Variants in ANO5 observed in about 807,000 individuals in gnomAD.
ANO5 encodes anoctamin 5.
Under a neutral mutation model 121.0 loss-of-function variants are expected in ANO5, and 109 were observed. That is an observed-to-expected ratio of 0.90 (90% CI 0.77 to 1.06). ANO5 has a LOEUF of 1.06. Ranked by LOEUF, ANO5 falls within the 50% of genes least tolerant of loss-of-function variation. The pLI, the probability that ANO5 is intolerant of heterozygous loss-of-function variation, is 0.00. For synonymous variants in ANO5, 406 were observed against 359.9 expected (o/e 1.13, Z -1.45); for missense variants, 1,064 against 1,078.5 (o/e 0.99, Z 0.19).
At chr11:22,225,239 G>A (rs1852785068) in intron 5 of ANO5, among the ~76,000 whole-genome samples, 1 of 152,092 alleles carries the variant, frequency 6.6e-6, no homozygotes, top group South Asian at 2.1e-4. Context: ...GGGAGGATGA[G>A]TTGAGGCCAG....
At position 22,239,634 on chromosome 11, in the gene ANO5, T is replaced by C. The variant is rs761221167; in HGVS notation, c.828T>C (p.Asn276=). The change falls in exon 9 of 22, where the codon AAT becomes AAC. Residue 276 remains asparagine (N), a synonymous_variant. Coordinates refer to ENST00000324559, the MANE Select transcript of ANO5 (RefSeq NM_213599.3). ...ATGAAAGATACACACTTCACCAGAATTGGGCTCGATTTTCCTATTTCTACA... is the reference window on the plus strand; with the variant it reads ...ATGAAAGATACACACTTCACCAGAACTGGGCTCGATTTTCCTATTTCTACA... The part of the protein sequence containing the change: ...PTNERYTLHQ[N]WARFSYFYKE... The C allele has an allele frequency of 3.1e-6, 5 of 1,612,868 alleles. No homozygotes were observed. Among genetic ancestry groups the C allele is most frequent in the African/African-American group, 2.7e-5 (2 of 74,870 alleles).
intron 2 of ANO5, among the ~76,000 whole-genome samples, chr11:22,208,387 G>C (rs991219479): frequency 6.6e-6 from 1 of 151,950 alleles, no homozygotes; most frequent in Non-Finnish European, 1.5e-5. Flanking sequence ...AACTTGGATA[G>C]ATCTCCAGGA....
chr11:22,241,620 T>A (rs1259327875), intron 9 of ANO5, among the ~76,000 whole-genome samples: 1 of 152,152 alleles, frequency 6.6e-6, no homozygotes, highest in African/African-American at 2.4e-5. Context: ...GATTGCGGTT[T>A]TGATTTGCAT....
In ANO5 at chr11:22,201,249, C is replaced by T. The variant is rs927531952; in HGVS notation, c.41-2555C>T. ...AATTTTTCAATAAATGTTTATCAGCCGTCTTTCATTTGCCAATCAGTGTGC... is the reference window on the plus strand; with the variant it reads ...AATTTTTCAATAAATGTTTATCAGCTGTCTTTCATTTGCCAATCAGTGTGC... On this transcript the variant is annotated intron_variant, in intron 1 of 21. Coordinates refer to ENST00000324559, the MANE Select transcript of ANO5 (RefSeq NM_213599.3). Among the ~76,000 whole-genome samples the T allele has an allele frequency of 1.2e-4, 18 of 152,226 alleles. No individual in the cohort carries two copies. The South Asian group carries it at 2.1e-3, about 18-fold the overall frequency.
intron 10 of ANO5, 131 bp downstream of exon 10, chr11:22,250,502 A>G (rs1853775452): frequency 7.7e-7 from 1 of 1,295,528 alleles, no homozygotes; most frequent in Non-Finnish European, 1.1e-6. Flanking sequence ...TATTTTCCAA[A>G]AACTACTCAA....
In ANO5 at chr11:22,281,400, A is replaced by G. The variant is rs1050709280; in HGVS notation, c.*1635A>G. The G allele has an allele frequency of 3.3e-5, 5 of 152,086 alleles. No homozygotes were observed. Among genetic ancestry groups the G allele is most frequent in the Non-Finnish European group, 7.4e-5 (5 of 67,918 alleles). The allele number at this position is 152,086 out of a possible 1,614,324, so 9.4% of individuals were successfully genotyped here. A position where few individuals can be genotyped will look rare whatever the true frequency, so the allele number is the denominator to read the frequency against. Reference sequence around the variant, plus strand: ...GACAGTCACCCCAGTTTGGACTGGGACTAATCCCCAGTACTGATTTGTCAT... The same window carrying G: ...GACAGTCACCCCAGTTTGGACTGGGGCTAATCCCCAGTACTGATTTGTCAT... On this transcript the variant is annotated 3_prime_UTR_variant, in exon 22 of 22. Coordinates refer to ENST00000324559, the MANE Select transcript of ANO5 (RefSeq NM_213599.3).
intron 3 of ANO5, among the ~76,000 whole-genome samples, chr11:22,214,152 T>G (rs1264606360): frequency 6.6e-6 from 1 of 151,950 alleles, no homozygotes; most frequent in African/African-American, 2.4e-5. Context: ...CAGTCCTCCC[T>G]TCTCAGCTTC....
chr11:22,230,899 A>G (rs1372183751), intron 7 of ANO5, among the ~76,000 whole-genome samples: 3 of 151,938 alleles, frequency 2.0e-5, no homozygotes, highest in South Asian at 2.1e-4. Context: ...CACCTTCACT[A>G]TTACCAAATT....
At position 22,218,284 on chromosome 11, in the gene ANO5, TATG is replaced by T; in HGVS notation, c.178_180del (p.Met60del). 6.2e-7 allele frequency: 1 copy of T among 1,613,388 alleles called. No homozygotes were observed. Among genetic ancestry groups the T allele is most frequent in the Non-Finnish European group, 8.5e-7 (1 of 1,179,640 alleles). On this transcript the variant is annotated inframe_deletion and splice_region_variant, in exon 4 of 22. Transcript: ENST00000324559. ...TCAATTTGTTCCTGAGGCGGCGGCT[TATG>T]GTAAAACCAGTGCTGAATGATGCTG... is the stretch of plus-strand genomic sequence containing the variant.
At chr11:22,196,637 G>A (rs912200981) in intron 1 of ANO5, among the ~76,000 whole-genome samples, 2 of 152,064 alleles carry the variant, frequency 1.3e-5, no homozygotes, top group African/African-American at 2.4e-5. Context: ...CTGGGAGGCC[G>A]AGGCAGGTGG....
At chr11:22,251,811 G>A (rs1853824996) in intron 12 of ANO5, among the ~76,000 whole-genome samples, 4 of 151,660 alleles carry the variant, frequency 2.6e-5, no homozygotes, top group Admixed American at 2.6e-4. Flanking sequence ...CAGATCACGA[G>A]GTCAGGAGAT....
Position 22,199,695 on chromosome 11 carries a change from C to A in ANO5, c.41-4109C>A, listed in dbSNP as rs112508144. On this transcript the variant is annotated intron_variant, in intron 1 of 21. Coordinates refer to ENST00000324559, the MANE Select transcript of ANO5 (RefSeq NM_213599.3). ...AAAAAAAATCTCTTTGATCTCTGGC[C>A]TGATAAAATATAGGTATTCTCGTAT... Among the ~76,000 whole-genome samples the A allele has an allele frequency of 7.1e-4, 108 of 152,026 alleles. 1 individual carries two copies. Among genetic ancestry groups the A allele is most frequent in the African/African-American group, 2.4e-3 (98 of 41,484 alleles).
At chr11:22,208,216 CA>C (rs1852177349) in intron 2 of ANO5, among the ~76,000 whole-genome samples, 1 of 152,000 alleles carries the variant, frequency 6.6e-6, no homozygotes, top group Non-Finnish European at 1.5e-5. Context: ...TATTCATACG[CA>C]AAACCTAAAC....
intron 3 of ANO5, among the ~76,000 whole-genome samples, chr11:22,213,040 T>A (rs987728725): frequency 3.3e-5 from 5 of 151,328 alleles, no homozygotes; most frequent in Admixed American, 2.0e-4. Context: ...GACTTCTTTT[T>A]AAAAATATAC....
Position 22,227,383 on chromosome 11 carries a change from A to C in ANO5, c.445A>C (p.Ile149Leu). The C allele has an allele frequency of 1.9e-6, 3 of 1,613,530 alleles. No homozygotes were observed. Among genetic ancestry groups the C allele is most frequent in the Non-Finnish European group, 2.5e-6 (3 of 1,179,764 alleles). Residue 149 changes from isoleucine (I) to leucine (L), a missense_variant, in exon 7 of 22, where the codon ATC (isoleucine) becomes CTC (leucine). By Grantham distance (5) the Ile-to-Leu change is conservative. Coordinates refer to ENST00000324559, the MANE Select transcript of ANO5 (RefSeq NM_213599.3). Reference protein sequence around the residue: ...VLVTYAEVLGIKMPIKESDIP... With the variant: ...VLVTYAEVLGLKMPIKESDIP... Reference sequence around the variant, plus strand: ...AGTTACCTATGCTGAAGTCTTGGGAATCAAAATGCCTATTAAGGAGAGTGA... The same window carrying C: ...AGTTACCTATGCTGAAGTCTTGGGACTCAAAATGCCTATTAAGGAGAGTGA...
intron 14 of ANO5, 151 bp from the exon 15 acceptor site, chr11:22,259,368 C>T: frequency 1.3e-6 from 1 of 785,706 alleles, no homozygotes; most frequent in Non-Finnish European, 2.2e-6. Flanking sequence ...GTCTTGCCAT[C>T]TAGGGAAAGA....
chr11:22,274,751 A>ATTCG lies in ANO5; in HGVS notation c.2414+6_2414+7insCGTT, dbSNP rs1854769296. The ATTCG allele has an allele frequency of 1.2e-6, 2 of 1,612,674 alleles. No homozygotes were observed. Among genetic ancestry groups the ATTCG allele is most frequent in the East Asian group, 4.5e-5 (2 of 44,844 alleles). ...AACGAGACTTCATCACTTGCAGGTG[A>ATTCG]TTTGTTTGTTTGTTTGTTTAGGTTT... On this transcript the variant is annotated splice_donor_region_variant and intron_variant, in intron 20 of 21. Coordinates refer to ENST00000324559, the MANE Select transcript of ANO5 (RefSeq NM_213599.3).
chr11:22,254,590 C>CA lies in ANO5; in HGVS notation c.1181-769dup, dbSNP rs759289902. Among the ~76,000 whole-genome samples, 665 of 123,976 alleles carry CA rather than the reference C, an allele frequency of 5.4e-3. 6 individuals carry two copies. Among genetic ancestry groups the CA allele is most frequent in the Middle Eastern group, 0.032 (8 of 252 alleles). The allele number at this position is 123,976 out of a possible 152,430, so 81.3% of individuals were successfully genotyped here. Reference sequence around the variant, plus strand: ...GCTGTACACAGCAACAAAGTTGAACCAAAAAAAAAAAAGCTTGACACGAAA... The same window carrying CA: ...GCTGTACACAGCAACAAAGTTGAACCAAAAAAAAAAAAAGCTTGACACGAAA... On this transcript the variant is annotated intron_variant, in intron 12 of 21. Coordinates refer to ENST00000324559, the MANE Select transcript of ANO5 (RefSeq NM_213599.3).
chr11:22,251,835 G>A, intron 12 of ANO5, among the ~76,000 whole-genome samples: 1 of 151,482 alleles, frequency 6.6e-6, no homozygotes, highest in East Asian at 1.9e-4. Flanking sequence ...GATTACCCTG[G>A]CTAACACGGT....
Sources: gnomAD v4.1 joint callset for allele counts (sites outside exome capture counted in the v4.1 genomes callset) on GRCh38, gnomAD v4.1.1 for gene constraint, MANE v1.5 for transcripts, NCBI Gene and HGNC (gene_info 2026-07-23, HGNC 2026-07-21) for gene names.